CACNA2D4: variants seen among roughly 807,000 people sequenced by gnomAD.
CACNA2D4 encodes the protein calcium voltage-gated channel auxiliary subunit alpha2delta 4, also known as voltage-dependent calcium channel subunit alpha-2/delta-4.
In CACNA2D4, 157 loss-of-function variants were observed where a neutral mutation model predicts 163.8. The observed-to-expected ratio is 0.96, with a 90% CI of 0.84 to 1.09. CACNA2D4 has a LOEUF of 1.09. Ranked by LOEUF, CACNA2D4 falls within the 50% of genes least tolerant of loss-of-function variation. The pLI, the probability that CACNA2D4 is intolerant of heterozygous loss-of-function variation, is 0.00. For synonymous variants in CACNA2D4, 598 were observed against 586.9 expected (o/e 1.02, Z -0.27); for missense variants, 1,410 against 1,479.9 (o/e 0.95, Z 0.78).
chr12:1,797,415 T>TGA lies in CACNA2D4; in HGVS notation c.3113+2_3113+3insTC. On this transcript the variant is annotated splice_region_variant and intron_variant, in intron 35 of 37. Transcript: ENST00000382722. ...GACGGGCGGCGCCGCCCTGCGGTCT[T>TGA]ACTTCTGGCAGGGCCCGCACTCCAC... 2.0e-6 allele frequency: 3 copies of TGA among 1,533,696 alleles called. No individual in the cohort carries two copies. The highest frequency in any genetic ancestry group is 2.6e-6 in the Non-Finnish European group (3 of 1,142,308).
intron 6 of CACNA2D4, among the ~76,000 whole-genome samples, chr12:1,902,000 T>G (rs1418589886): frequency 6.6e-6 from 1 of 151,952 alleles, no homozygotes; most frequent in African/African-American, 2.4e-5. Flanking sequence ...CAGCAATACA[T>G]TAAAAAGATC....
At chr12:1,835,043 G>A (rs773890398) in intron 26 of CACNA2D4, 3 of 294,140 alleles carry the variant, frequency 1.0e-5, no homozygotes, top group East Asian at 6.5e-5. Context: ...TTCCCCTGTC[G>A]CCCTTCCTGC....
intron 18 of CACNA2D4, among the ~76,000 whole-genome samples, chr12:1,866,626 G>GT (rs35856911): frequency 2.1e-4 from 32 of 151,348 alleles, no homozygotes; most frequent in African/African-American, 7.3e-4. Context: ...GTCTTTTTTT[G>GT]TTGTTTGTTT....
chr12:1,886,474 G>T, intron 7 of CACNA2D4, 101 bp from the exon 8 acceptor site: 1 of 1,151,194 alleles, frequency 8.7e-7, no homozygotes, highest in Non-Finnish European at 1.2e-6. Context: ...GCTGGCTCGA[G>T]CCCACCCAAA....
intron 26 of CACNA2D4, among the ~76,000 whole-genome samples, chr12:1,832,122 A>C (rs1469990632): frequency 6.6e-6 from 1 of 152,170 alleles, no homozygotes; most frequent in East Asian, 1.9e-4. Context: ...CATTTTCTTT[A>C]ATATGGGAAA....
Position 1,905,719 on chromosome 12 carries a change from C to T in CACNA2D4, c.781+1721G>A, listed in dbSNP as rs11834495. Among the ~76,000 whole-genome samples, 569 of 152,240 alleles carry T rather than the reference C, an allele frequency of 3.7e-3. 2 individuals are homozygous for T. The highest frequency in any genetic ancestry group is 0.013 in the African/African-American group (553 of 41,558). ...ATTAAGGACAGAAATAATGGAAACA[C>T]ATTCCATATTCATGGACTGAAATAC... On this transcript the variant is annotated intron_variant, in intron 6 of 37. Coordinates refer to ENST00000382722, the MANE Select transcript of CACNA2D4 (RefSeq NM_172364.5).
intron 26 of CACNA2D4, among the ~76,000 whole-genome samples, chr12:1,837,334 A>C (rs1246979043): frequency 6.6e-6 from 1 of 152,060 alleles, no homozygotes; most frequent in African/African-American, 2.4e-5. Context: ...TTCAGGGCTT[A>C]CTCAGGCGAC....
intron 31 of CACNA2D4, chr12:1,800,830 G>A (rs1863293417): frequency 3.3e-6 from 2 of 601,500 alleles, no homozygotes; most frequent in Non-Finnish European, 5.9e-6. Context: ...AACTACCAGA[G>A]CAGTCCCTCT....
chr12:1,896,642 C>CA (rs1866411115), intron 6 of CACNA2D4, among the ~76,000 whole-genome samples: 2 of 146,432 alleles, frequency 1.4e-5, no homozygotes, highest in African/African-American at 2.7e-5. Flanking sequence ...CACACACACA[C>CA]ACACACACAC....
At chr12:1,797,288 C>T (rs1592645461) in intron 35 of CACNA2D4, 130 bp downstream of exon 35, 1 of 710,506 alleles carries the variant, frequency 1.4e-6, no homozygotes. Flanking sequence ...GTGGGCTCTG[C>T]ACTTAGACGC....
At chr12:1,898,909 G>C (rs1345116510) in intron 6 of CACNA2D4, among the ~76,000 whole-genome samples, 1 of 152,034 alleles carries the variant, frequency 6.6e-6, no homozygotes, top group Admixed American at 6.6e-5. Flanking sequence ...ATAGAATGAG[G>C]GTGCCAGAGG....
intron 29 of CACNA2D4, among the ~76,000 whole-genome samples, chr12:1,804,076 G>A (rs1190630209): frequency 6.6e-6 from 1 of 151,816 alleles, no homozygotes; most frequent in Non-Finnish European, 1.5e-5. Flanking sequence ...CCTCCAGCTG[G>A]AGTAAACTCT....
At chr12:1,830,639 G>A (rs577090871) in intron 26 of CACNA2D4, among the ~76,000 whole-genome samples, 110 of 152,212 alleles carry the variant, frequency 7.2e-4, no homozygotes, top group Non-Finnish European at 1.4e-3. Flanking sequence ...AGCATGGCTT[G>A]TCTCTGGGCT....
At chr12:1,817,927 G>A (rs1465397310) in intron 26 of CACNA2D4, among the ~76,000 whole-genome samples, 1 of 151,760 alleles carries the variant, frequency 6.6e-6, no homozygotes, top group Non-Finnish European at 1.5e-5. Context: ...AGTGAGGAGC[G>A]TCTCCGCCTG....
intron 6 of CACNA2D4, among the ~76,000 whole-genome samples, chr12:1,888,192 A>G (rs1866197494): frequency 6.6e-6 from 1 of 152,204 alleles, no homozygotes; most frequent in Admixed American, 6.5e-5. Context: ...CAACATGGTC[A>G]TGGGGAATTT....
intron 23 of CACNA2D4, among the ~76,000 whole-genome samples, chr12:1,852,223 C>G (rs933632959): frequency 1.4e-4 from 22 of 152,134 alleles, no homozygotes; most frequent in African/African-American, 5.3e-4. Context: ...TGCTTGCTTT[C>G]TCTTGTCTAA....
In CACNA2D4 at chr12:1,797,776, G is replaced by C. The variant is rs1365891266; in HGVS notation, c.2996-241C>G. The C allele has an allele frequency of 5.2e-6, 3 of 572,538 alleles. No individual in the cohort carries two copies. In the African/African-American group the frequency reaches 5.7e-5, roughly 11 times the overall value. The allele number at this position is 572,538 out of a possible 1,614,324, so 35.5% of individuals were successfully genotyped here. A position where few individuals can be genotyped will look rare whatever the true frequency, so the allele number is the denominator to read the frequency against. Reference sequence around the variant, plus strand: ...CGCAGGGGCCCTGAGCCTCGGTGGAGGGAAAGCGCTTCCTCTGGGGAGCCT... The same window carrying C: ...CGCAGGGGCCCTGAGCCTCGGTGGACGGAAAGCGCTTCCTCTGGGGAGCCT... On this transcript the variant is annotated intron_variant, in intron 34 of 37. Transcript: ENST00000382722.
At chr12:1,842,037 G>C (rs749737904) in intron 25 of CACNA2D4, among the ~76,000 whole-genome samples, 34 of 152,136 alleles carry the variant, frequency 2.2e-4, no homozygotes, top group Non-Finnish European at 4.1e-4. Flanking sequence ...CCATTTTCTG[G>C]GACAGACCTT....
chr12:1,858,689 C>A (rs770327724), intron 19 of CACNA2D4, 45 bp from the exon 20 acceptor site: 10 of 1,497,322 alleles, frequency 6.7e-6, no homozygotes, highest in Non-Finnish European at 9.1e-6. Context: ...GCAGCAGATG[C>A]CGGCCTGTCT....
Sources: gnomAD v4.1 joint callset for allele counts (sites outside exome capture counted in the v4.1 genomes callset) on GRCh38, gnomAD v4.1.1 for gene constraint, MANE v1.5 for transcripts, NCBI Gene and HGNC (gene_info 2026-07-23, HGNC 2026-07-21) for gene names.